THADA: variants seen among roughly 807,000 people sequenced by gnomAD.
The protein encoded by THADA is THADA armadillo repeat containing, also known as tRNA (32-2'-O)-methyltransferase regulator THADA.
THADA carries 213 observed loss-of-function variants against 219.8 expected under a neutral mutation model. The observed-to-expected ratio is 0.97, with a 90% CI of 0.87 to 1.09. The LOEUF (loss-of-function observed/expected upper bound fraction) is 1.09, where lower values mean the gene tolerates loss of function less well. Ranked by LOEUF, THADA falls within the 50% of genes least tolerant of loss-of-function variation. THADA has a pLI of 0.00. For synonymous variants in THADA, 1,018 were observed against 828.9 expected (o/e 1.23, Z -3.92); for missense variants, 2,956 against 2,311.3 (o/e 1.28, Z -5.72).
chr2:43,514,459 T>TATATATA (rs1013906659), intron 22 of THADA, among the ~76,000 whole-genome samples: 6 of 131,840 alleles, frequency 4.6e-5, no homozygotes, highest in Admixed American at 8.1e-5. Context: ...TTAAAAAATA[T>TATATATA]ATATATAATA....
In THADA at chr2:43,581,838, T is replaced by C. The variant is rs762942916; in HGVS notation, c.624A>G (p.Val208=). ...TCCAAAGATTTCCCTGGAAATCTTG[T>C]ACTTTCTGTACTAACATCATTGAAA... is the stretch of plus-strand genomic sequence containing the variant. ...IRVSMMLVQK[V]QDFQGNLWKT... Residue 208 remains valine, a synonymous_variant, in exon 8 of 38, where the codon GTA becomes GTG. Transcript: ENST00000405975. 1 of 1,612,662 alleles carries C rather than the reference T, an allele frequency of 6.2e-7. No individual in the cohort carries two copies. The highest frequency in any genetic ancestry group is 8.5e-7 in the Non-Finnish European group (1 of 1,179,306).
Position 43,566,902 on chromosome 2 carries a change from G to C in THADA, c.2188-81C>G, listed in dbSNP as rs1476331203. On this transcript the variant is annotated intron_variant, in intron 14 of 37. Transcript: ENST00000405975. ...TCAGAGTATTAAACACCCTTTAAGA[G>C]TGGGTGTTTTTGTTTTCAATTTAAA... 6.2e-6 allele frequency: 6 copies of C among 973,102 alleles called. No individual in the cohort carries two copies. The African/African-American group carries it at 6.9e-5, about 11-fold the overall frequency. The allele number at this position is 973,102 out of a possible 1,614,324, so 60.3% of individuals were successfully genotyped here. A position where few individuals can be genotyped will look rare whatever the true frequency, so the allele number is the denominator to read the frequency against.
chr2:43,448,335 C>T (rs2104885325), intron 26 of THADA, among the ~76,000 whole-genome samples: 1 of 152,276 alleles, frequency 6.6e-6, no homozygotes, highest in South Asian at 2.1e-4. Flanking sequence ...GGCAACTATG[C>T]ACATGCTCCA....
intron 29 of THADA, among the ~76,000 whole-genome samples, chr2:43,375,832 G>C (rs1478966341): frequency 6.6e-6 from 1 of 152,098 alleles, no homozygotes; most frequent in Non-Finnish European, 1.5e-5. Context: ...GACAGCAAAG[G>C]AAAATCAGCC....
intron 26 of THADA, among the ~76,000 whole-genome samples, chr2:43,484,905 TAAGAC>T (rs1303708555): frequency 7.4e-5 from 11 of 148,382 alleles, no homozygotes; most frequent in African/African-American, 2.8e-4. Context: ...CAAGTAAAGT[TAAGAC>T]ATTTCAGGAC....
At chr2:43,516,306 T>G (rs1378073349) in intron 22 of THADA, among the ~76,000 whole-genome samples, 1 of 152,132 alleles carries the variant, frequency 6.6e-6, no homozygotes, top group Non-Finnish European at 1.5e-5. Context: ...TTACTCAGAG[T>G]AAAAGCCAAA....
intron 32 of THADA, among the ~76,000 whole-genome samples, chr2:43,292,507 C>A (rs1258338367): frequency 1.3e-5 from 2 of 152,154 alleles, no homozygotes; most frequent in Non-Finnish European, 2.9e-5. Flanking sequence ...CCTGAAATAG[C>A]CATGTCAGCA....
At chr2:43,316,947 T>A (rs1208939085) in intron 31 of THADA, among the ~76,000 whole-genome samples, 1 of 152,146 alleles carries the variant, frequency 6.6e-6, no homozygotes, top group South Asian at 2.1e-4. Context: ...ATATTAATAA[T>A]AGTTAATATT....
intron 29 of THADA, among the ~76,000 whole-genome samples, chr2:43,369,491 A>G (rs1199783159): frequency 1.3e-5 from 2 of 152,238 alleles, no homozygotes; most frequent in Non-Finnish European, 2.9e-5. Flanking sequence ...TTAGATCTAA[A>G]AACAATAACT....
At chr2:43,268,441 C>T (rs1287189134) in intron 36 of THADA, among the ~76,000 whole-genome samples, 1 of 152,220 alleles carries the variant, frequency 6.6e-6, no homozygotes, top group African/African-American at 2.4e-5. Flanking sequence ...GGCCCGCCAC[C>T]ACCAGAGCCA....
intron 20 of THADA, among the ~76,000 whole-genome samples, chr2:43,545,399 AGG>A (rs1384406278): frequency 6.6e-6 from 1 of 151,922 alleles, no homozygotes; most frequent in East Asian, 1.9e-4. Context: ...AAAATGAGTT[AGG>A]GAGGATTCCC....
At chr2:43,237,062 ACT>A (rs1405471426) in intron 36 of THADA, among the ~76,000 whole-genome samples, 46 of 124,696 alleles carry the variant, frequency 3.7e-4, no homozygotes, top group African/African-American at 1.4e-3. Context: ...ATGGAGCAAG[ACT>A]CTGTCTCAAA....
At chr2:43,448,883 G>A (rs1681940104) in intron 26 of THADA, among the ~76,000 whole-genome samples, 1 of 151,968 alleles carries the variant, frequency 6.6e-6, no homozygotes, top group South Asian at 2.1e-4. Flanking sequence ...CAAGCATCCT[G>A]TTTCCAACAA....
intron 25 of THADA, among the ~76,000 whole-genome samples, chr2:43,487,629 T>A (rs1050198179): frequency 5.3e-5 from 8 of 152,152 alleles, no homozygotes; most frequent in African/African-American, 1.9e-4. Flanking sequence ...TCCAAGGAGT[T>A]AGGTGGTGGA....
chr2:43,376,686 C>A (rs529816178), intron 29 of THADA, among the ~76,000 whole-genome samples: 9 of 152,292 alleles, frequency 5.9e-5, no homozygotes, highest in Admixed American at 5.9e-4. Flanking sequence ...TTCGCAGAGG[C>A]TCTGGCAACC....
At chr2:43,561,740 T>C (rs557155411) in intron 15 of THADA, among the ~76,000 whole-genome samples, 67 of 152,320 alleles carry the variant, frequency 4.4e-4, no homozygotes, top group African/African-American at 1.5e-3. Context: ...TGCTTTTTAT[T>C]TTTTTCTTGT....
intron 30 of THADA, among the ~76,000 whole-genome samples, chr2:43,326,900 C>T (rs1679397697): frequency 6.6e-6 from 1 of 152,086 alleles, no homozygotes; most frequent in Admixed American, 6.5e-5. Context: ...GCTGTTTTGG[C>T]TTTAGGTTGC....
chr2:43,302,195 T>G (rs1396103412), intron 31 of THADA, among the ~76,000 whole-genome samples: 1 of 152,114 alleles, frequency 6.6e-6, no homozygotes, highest in Non-Finnish European at 1.5e-5. Context: ...ACTTGCAACC[T>G]CAACTTTGAT....
intron 29 of THADA, among the ~76,000 whole-genome samples, chr2:43,383,792 C>T (rs907944664): frequency 3.3e-5 from 5 of 151,960 alleles, no homozygotes; most frequent in African/African-American, 9.7e-5. Flanking sequence ...ACTAACACTC[C>T]ACAGCAACCT....
Sources: gnomAD v4.1 joint callset for allele counts (sites outside exome capture counted in the v4.1 genomes callset) on GRCh38, gnomAD v4.1.1 for gene constraint, MANE v1.5 for transcripts, NCBI Gene and HGNC (gene_info 2026-07-23, HGNC 2026-07-21) for gene names.